The following OR6C1 variants were observed in gnomAD, a reference collection of about 807,000 sequenced individuals.
OR6C1 encodes olfactory receptor 6C1.
For synonymous variants in OR6C1, 157 were observed against 133.3 expected, an observed-to-expected ratio of 1.18 and a Z score of -1.22; for missense variants, 386 against 366.1, an observed-to-expected ratio of 1.05 and a Z score of -0.44.
intron 1 of OR6C1, among the ~76,000 whole-genome samples, chr12:55,317,786 G>A (rs1868435101): frequency 6.6e-6 from 1 of 151,632 alleles, no homozygotes; most frequent in Non-Finnish European, 1.5e-5. Context: ...GATGAGTTGG[G>A]AAGAATGAGC....
intron 1 of OR6C1, among the ~76,000 whole-genome samples, chr12:55,318,132 T>C (rs1592261960): frequency 6.6e-6 from 1 of 151,416 alleles, no homozygotes; most frequent in African/African-American, 2.4e-5. Context: ...TTATTACTAA[T>C]GAAGAGCAGA....
intron 1 of OR6C1, among the ~76,000 whole-genome samples, chr12:55,319,256 T>C (rs891249592): frequency 1.3e-5 from 2 of 152,200 alleles, no homozygotes; most frequent in African/African-American, 4.8e-5. Context: ...TCTGAAGTTG[T>C]TCATGGTAAT....
Position 55,321,274 on chromosome 12 carries a change from A to G in OR6C1, c.675A>G (p.Arg225=), listed in dbSNP as rs1868543548. 3 of 1,613,570 alleles carry G rather than the reference A, an allele frequency of 1.9e-6. No homozygotes were observed. The highest frequency in any genetic ancestry group is 1.3e-5 in the African/African-American group (1 of 75,014). ...SYIYIIRTIL[R]IPSTSQRTKA... is the part of the protein sequence containing the mutation. The stretch of plus-strand genomic sequence containing the variant: ...TATACATTATCAGAACAATTTTGAG[A>G]ATTCCTTCTACTAGTCAGAGGACAA... Residue 225 remains arginine (R), a synonymous_variant, in exon 2 of 2, where the codon AGA becomes AGG. Transcript: ENST00000642104.
intron 1 of OR6C1, among the ~76,000 whole-genome samples, chr12:55,317,807 C>T (rs74337650): frequency 9.1e-4 from 138 of 151,428 alleles, no homozygotes; most frequent in African/African-American, 3.1e-3. Flanking sequence ...ATAATATTCT[C>T]ATGCAATGTA....
chr12:55,316,079 C>T (rs976253280), intron 1 of OR6C1, among the ~76,000 whole-genome samples: 6 of 147,576 alleles, frequency 4.1e-5, no homozygotes, highest in African/African-American at 1.0e-4. Flanking sequence ...TAATTTAATA[C>T]CTTATTAAAA....
chr12:55,320,952 A>G lies in OR6C1; in HGVS notation c.353A>G (p.Tyr118Cys), dbSNP rs1195409673. The G allele has an allele frequency of 9.9e-6, 16 of 1,613,788 alleles. No homozygotes were observed. Among genetic ancestry groups the G allele is most frequent in the Admixed American group, 3.3e-5 (2 of 59,978 alleles). ...TTTTACCTTCTGGCTGCCATGTCCT[A>G]TGACCGCTATGTGGCCATCTGCAAG... ...TEFYLLAAMS[Y>C]DRYVAICKPL... Residue 118 changes from tyrosine (Y) to cysteine (C), a missense_variant, in exon 2 of 2, where the codon TAT becomes TGT. Physicochemically the swap from Tyr to Cys is radical, Grantham distance 194 (BLOSUM62 -2). Transcript: ENST00000642104.
chr12:55,321,105 C>A lies in OR6C1; in HGVS notation c.506C>A (p.Ser169Tyr). Residue 169 changes from serine (S) to tyrosine (Y), a missense_variant, in exon 2 of 2, where the codon TCT becomes TAT. Physicochemically the swap from Ser to Tyr is moderately radical, Grantham distance 144. Transcript: ENST00000642104. ...MLLLKLHYCR[S>Y]NIIDHFTCDY... Reference sequence around the variant, plus strand: ...CTTTTAAAGCTTCATTACTGTAGGTCTAATATTATTGACCATTTTACCTGT... The same window carrying A: ...CTTTTAAAGCTTCATTACTGTAGGTATAATATTATTGACCATTTTACCTGT... 1 of 1,613,482 alleles carries A rather than the reference C, an allele frequency of 6.2e-7. No homozygotes were observed. The highest frequency in any genetic ancestry group is 1.1e-5 in the South Asian group (1 of 91,040).
Position 55,319,104 on chromosome 12 carries a change from A to T in OR6C1, c.-33-1463A>T, listed in dbSNP as rs369617426. On this transcript the variant is annotated intron_variant, in intron 1 of 1. Transcript: ENST00000642104. Reference sequence around the variant, plus strand: ...TATAAAGCAAAATGGTTTCTACAGGAATAAAAGTTATAAAATGACACATAG... The same window carrying T: ...TATAAAGCAAAATGGTTTCTACAGGTATAAAAGTTATAAAATGACACATAG... Among the ~76,000 whole-genome samples, 12 of 152,186 alleles carry T rather than the reference A, an allele frequency of 7.9e-5. No homozygotes were observed. The South Asian group carries it at 2.5e-3, about 32-fold the overall frequency.
intron 1 of OR6C1, among the ~76,000 whole-genome samples, chr12:55,319,344 G>C (rs1214099464): frequency 6.6e-6 from 1 of 152,112 alleles, no homozygotes; most frequent in East Asian, 1.9e-4. Flanking sequence ...TTGATCGATG[G>C]CATTAAGGTT....
intron 1 of OR6C1, among the ~76,000 whole-genome samples, 164 bp from the exon 2 acceptor site, chr12:55,320,403 C>T (rs1868510108): frequency 6.6e-6 from 1 of 152,084 alleles, no homozygotes; most frequent in African/African-American, 2.4e-5. Flanking sequence ...AGAGTTTTCA[C>T]CTGTAAAACA....
chr12:55,319,521 A>G (rs982694066), intron 1 of OR6C1, among the ~76,000 whole-genome samples: 2 of 152,224 alleles, frequency 1.3e-5, no homozygotes, highest in Non-Finnish European at 2.9e-5. Flanking sequence ...ATTGCTCTTC[A>G]AGAAAGTTCA....
In OR6C1 at chr12:55,318,568, G is replaced by A. The variant is rs376479546; in HGVS notation, c.-33-1999G>A. Among the ~76,000 whole-genome samples, 23 of 149,550 alleles carry A rather than the reference G, an allele frequency of 1.5e-4. No individual in the cohort carries two copies. In the East Asian group the frequency reaches 1.6e-3, roughly 10 times the overall value. On this transcript the variant is annotated intron_variant, in intron 1 of 1. Coordinates refer to ENST00000642104, the MANE Select transcript of OR6C1 (RefSeq NM_001005182.2). Reference sequence around the variant, plus strand: ...TAGAACAAAGCCTCATACAGCTTTCGCTAAATGCTAAGCATTTTTCTAAAT... The same window carrying A: ...TAGAACAAAGCCTCATACAGCTTTCACTAAATGCTAAGCATTTTTCTAAAT...
rs779208447 is a variant in OR6C1, at chr12:55,320,796, T to C, written c.197T>C (p.Ile66Thr). The C allele has an allele frequency of 6.2e-7, 1 of 1,613,874 alleles. No homozygotes were observed. The highest frequency in any genetic ancestry group is 8.5e-7 in the Non-Finnish European group (1 of 1,179,844). Residue 66 changes from isoleucine to threonine, a missense_variant, in exon 2 of 2, where the codon ATA becomes ACA. Transcript: ENST00000642104. ...PMYFFLRNFS[I>T]LEISFTTVSI... The stretch of plus-strand genomic sequence containing the variant: ...TATTTCTTCCTCAGAAATTTCTCCA[T>C]ATTAGAAATTTCGTTCACAACCGTC...
Position 55,321,060 on chromosome 12 carries a change from T to C in OR6C1, c.461T>C (p.Ile154Thr). ...FTSWLVSFLI[I>T]FPALMLLLKL... ...TCTTGGCTGGTTTCATTCTTAATCA[T>C]ATTCCCAGCACTCATGTTGCTTTTA... The change falls in exon 2 of 2, where the codon ATA (isoleucine) becomes ACA (threonine). Residue 154 changes from isoleucine (I) to threonine (T), a missense_variant. Ile to Thr is a moderately conservative substitution (Grantham distance 89). Coordinates refer to ENST00000642104, the MANE Select transcript of OR6C1 (RefSeq NM_001005182.2). The C allele has an allele frequency of 1.9e-6, 3 of 1,613,692 alleles. No homozygotes were observed. Among genetic ancestry groups the C allele is most frequent in the Non-Finnish European group, 2.5e-6 (3 of 1,179,752 alleles).
intron 1 of OR6C1, among the ~76,000 whole-genome samples, chr12:55,317,310 G>A (rs774535451): frequency 2.6e-5 from 4 of 151,966 alleles, no homozygotes; most frequent in Middle Eastern, 3.2e-3. Flanking sequence ...AAAGTGAAAT[G>A]AAAGGATGAA....
chr12:55,317,952 T>C (rs552667899), intron 1 of OR6C1, among the ~76,000 whole-genome samples: 1,850 of 146,098 alleles, frequency 0.013, 37 homozygotes, highest in African/African-American at 0.04. Flanking sequence ...TGTATATATA[T>C]ACACACACAC....
Position 55,321,485 on chromosome 12 carries a change from A to T in OR6C1, c.886A>T (p.Lys296Ter). 5 of 1,613,644 alleles carry T rather than the reference A, an allele frequency of 3.1e-6. No individual in the cohort carries two copies. The highest frequency in any genetic ancestry group is 3.4e-6 in the Non-Finnish European group (4 of 1,179,806). The change falls in exon 2 of 2, where the codon AAG becomes TAG. Residue 296 changes from lysine to a stop codon, truncating the protein, a stop_gained. Transcript: ENST00000642104. LOFTEE classifies it low-confidence loss of function (END_TRUNC). The part of the protein sequence containing the change: ...FIYSLRNQQV[K>*]QAFINMARKT... ...TTACAGCCTAAGAAATCAGCAAGTC[A>T]AGCAAGCTTTCATTAACATGGCAAG...
chr12:55,317,953 A>G (rs1008433394), intron 1 of OR6C1, among the ~76,000 whole-genome samples: 1 of 125,594 alleles, frequency 8.0e-6, no homozygotes, highest in African/African-American at 4.8e-5. Context: ...GTATATATAT[A>G]CACACACACA....
At chr12:55,319,476 G>A (rs1283276693) in intron 1 of OR6C1, among the ~76,000 whole-genome samples, 1 of 152,150 alleles carries the variant, frequency 6.6e-6, no homozygotes, top group Non-Finnish European at 1.5e-5. Context: ...ACGAAGAGAA[G>A]GTTAGAATCT....
Sources: allele counts gnomAD v4.1 joint callset (sites outside exome capture counted in the v4.1 genomes callset), GRCh38; gene constraint gnomAD v4.1.1; transcripts MANE v1.5; gene names NCBI Gene and HGNC (gene_info 2026-07-23, HGNC 2026-07-21).